PDE1A: variants seen among roughly 807,000 people sequenced by gnomAD.
PDE1A encodes phosphodiesterase 1A.
Under a neutral mutation model 61.7 loss-of-function variants are expected in PDE1A, and 35 were observed. The observed-to-expected ratio is 0.57, with a 90% confidence interval of 0.43 to 0.75. The LOEUF is 0.75. Ranked by LOEUF, PDE1A falls within the 30% of genes least tolerant of loss-of-function variation. The pLI is 0.00. For missense variants in PDE1A, 597 were observed against 630.6 expected, an observed-to-expected ratio of 0.95 and a Z score of 0.57; for synonymous variants, 232 against 213.2, an observed-to-expected ratio of 1.09 and a Z score of -0.77.
At chr2:182,231,786 A>C (rs538420881) in intron 4 of PDE1A, among the ~76,000 whole-genome samples, 188 of 152,086 alleles carry the variant, frequency 1.2e-3, no homozygotes, top group African/African-American at 4.4e-3. Context: ...GTGGTGGTGC[A>C]CGCCTGTAAT....
chr2:182,573,917 TATTA>T, the PDE1A span, among the ~76,000 whole-genome samples: 2 of 144,834 alleles, frequency 1.4e-5, no homozygotes, highest in Admixed American at 7.0e-5. Context: ...ATATTATATA[TATTA>T]ATATATACAT....
the PDE1A span, among the ~76,000 whole-genome samples, chr2:182,631,191 G>A: frequency 1.3e-5 from 2 of 151,998 alleles, no homozygotes; most frequent in Non-Finnish European, 2.9e-5. Context: ...CAAATCTGAA[G>A]CCCTTAGAAC....
At chr2:182,560,154 C>A in the PDE1A span, among the ~76,000 whole-genome samples, 9 of 151,084 alleles carry the variant, frequency 6.0e-5, no homozygotes, top group Non-Finnish European at 1.0e-4. Context: ...TGCTGGTGTA[C>A]TGCACCCATT....
At chr2:182,434,966 A>C (rs1376999244) in intron 2 of PDE1A, among the ~76,000 whole-genome samples, 1 of 152,078 alleles carries the variant, frequency 6.6e-6, no homozygotes, top group Admixed American at 6.6e-5. Context: ...GGTCATTTAA[A>C]TCCATCAGAA....
chr2:182,366,406 T>C (rs888844034), intron 1 of PDE1A, among the ~76,000 whole-genome samples: 4 of 152,036 alleles, frequency 2.6e-5, no homozygotes, highest in Admixed American at 1.3e-4. Flanking sequence ...AAAAATCACA[T>C]TGATCTATCA....
At chr2:182,706,693 A>T in the PDE1A span, among the ~76,000 whole-genome samples, 2 of 152,078 alleles carry the variant, frequency 1.3e-5, no homozygotes, top group East Asian at 3.9e-4. Flanking sequence ...AGTTGCAAAA[A>T]ACAAATCATG....
intron 13 of PDE1A, among the ~76,000 whole-genome samples, chr2:182,169,364 C>T (rs1258279865): frequency 1.3e-5 from 2 of 151,870 alleles, no homozygotes; most frequent in African/African-American, 4.8e-5. Context: ...TATTTGCACA[C>T]AAATGTGGCA....
chr2:182,141,072 C>T (rs1258725470), exon 15 of PDE1A: 2 of 151,242 alleles, frequency 1.3e-5, no homozygotes, highest in Admixed American at 6.6e-5. Flanking sequence ...TATTCCTCTA[C>T]TTTTTAGTAA....
At position 182,508,740 on chromosome 2, in the gene PDE1A, A is replaced by T. The variant is rs1335919370; in HGVS notation, c.101+13536T>A. On this transcript the variant is annotated intron_variant, in intron 2 of 14. Coordinates refer to the PDE1A transcript ENST00000410103. Reference sequence around the variant, plus strand: ...CATTTGTAAATTTCTTTTTTTTTTTATTTTTTTTTTATTTTTATTTTTTAA... The same window carrying T: ...CATTTGTAAATTTCTTTTTTTTTTTTTTTTTTTTTTATTTTTATTTTTTAA... Among the ~76,000 whole-genome samples, 217 of 138,156 alleles carry T rather than the reference A, an allele frequency of 1.6e-3. 1 individual carries two copies. The highest frequency in any genetic ancestry group is 3.6e-3 in the Middle Eastern group (1 of 278). 90.6% of individuals were successfully genotyped at this position (138,156 alleles called of 152,430 possible).
At chr2:182,347,229 C>T (rs574956897) in intron 1 of PDE1A, among the ~76,000 whole-genome samples, 34 of 152,084 alleles carry the variant, frequency 2.2e-4, no homozygotes, top group African/African-American at 7.2e-4. Context: ...AGCTCCAGAT[C>T]TCTCTTTGAT....
rs148369453 is a variant in PDE1A at position 182,158,600 on chromosome 2, A to G, written c.1517-11448T>C. On this transcript the variant is annotated intron_variant, in intron 13 of 13. Coordinates refer to the PDE1A transcript ENST00000409365. ...GTGATGAGTTAATATCTTTGAGTTG[A>G]TATTAACTTGACTGAACTTCTATTG... Among the ~76,000 whole-genome samples the G allele has an allele frequency of 2.8e-4, 43 of 152,286 alleles. No homozygotes were observed. In the East Asian group the frequency reaches 4.3e-3, roughly 15 times the overall value.
chr2:182,183,719 T>C (rs1301055837), intron 13 of PDE1A, among the ~76,000 whole-genome samples: 1 of 152,092 alleles, frequency 6.6e-6, no homozygotes, highest in East Asian at 1.9e-4. Context: ...TTTTTAAATA[T>C]GTTTTTAAAA....
At chr2:182,330,234 C>T (rs930079561) in intron 1 of PDE1A, among the ~76,000 whole-genome samples, 2 of 151,876 alleles carry the variant, frequency 1.3e-5, no homozygotes, top group Non-Finnish European at 2.9e-5. Flanking sequence ...ATCCCAGCTA[C>T]TAAGGAGGCT....
chr2:182,411,552 G>GTAGA (rs1702616650), intron 1 of PDE1A, among the ~76,000 whole-genome samples: 1 of 152,110 alleles, frequency 6.6e-6, no homozygotes, highest in Non-Finnish European at 1.5e-5. Context: ...TTCACCTTTA[G>GTAGA]TAGATACTAC....
At chr2:182,255,776 C>T (rs531901822) in intron 2 of PDE1A, among the ~76,000 whole-genome samples, 1 of 151,422 alleles carries the variant, frequency 6.6e-6, no homozygotes, top group African/African-American at 2.4e-5. Context: ...TCCTGCCTCA[C>T]CCTCCCAAGT....
chr2:182,281,102 T>C (rs1456997314), intron 1 of PDE1A, among the ~76,000 whole-genome samples: 2 of 151,972 alleles, frequency 1.3e-5, no homozygotes, highest in Admixed American at 6.6e-5. Context: ...AAAGTCCATT[T>C]AGATAGTAGG....
At chr2:182,613,224 T>A in the PDE1A span, among the ~76,000 whole-genome samples, 1 of 152,202 alleles carries the variant, frequency 6.6e-6, no homozygotes. Context: ...AGAACAATTG[T>A]CAAGGATTCA....
the PDE1A span, among the ~76,000 whole-genome samples, chr2:182,595,402 T>C: frequency 2.0e-5 from 3 of 152,212 alleles, no homozygotes; most frequent in East Asian, 5.8e-4. Context: ...GATTCTCCTG[T>C]GCCCAAAATA....
At chr2:182,414,209 G>C (rs1217876614) in intron 1 of PDE1A, among the ~76,000 whole-genome samples, 1 of 152,110 alleles carries the variant, frequency 6.6e-6, no homozygotes, top group East Asian at 1.9e-4. Flanking sequence ...TAAATGAATG[G>C]AAGGAAGAGA....
Sources: gnomAD v4.1 joint callset for allele counts (sites outside exome capture counted in the v4.1 genomes callset) on GRCh38, gnomAD v4.1.1 for gene constraint, MANE v1.5 for transcripts, NCBI Gene and HGNC (gene_info 2026-07-23, HGNC 2026-07-21) for gene names.